Variants in CECR2 observed in about 807,000 individuals in gnomAD.
The protein encoded by CECR2 is CECR2 histone acetyl-lysine reader.
In CECR2, 30 loss-of-function variants were observed where a neutral mutation model predicts 154.5. The observed-to-expected ratio is 0.19, with a 90% CI of 0.15 to 0.26. The LOEUF (loss-of-function observed/expected upper bound fraction) is 0.26. Among genes scored for constraint, CECR2 ranks in the 10% least tolerant of loss-of-function variants. The pLI, the probability that CECR2 is intolerant of heterozygous loss-of-function variation, is 1.00. For missense variants in CECR2, 1,743 were observed against 1,829.3 expected (o/e 0.95, Z 0.86); for synonymous variants, 725 against 683.7 (o/e 1.06, Z -0.94).
At chr22:17,429,549 AACAAAAAC>A (rs2054388039) in intron 1 of CECR2, among the ~76,000 whole-genome samples, 2 of 140,614 alleles carry the variant, frequency 1.4e-5, no homozygotes, top group African/African-American at 6.0e-5. Flanking sequence ...CAAAAACAAA[AACAAAAAC>A]AAAGAAAAGA....
chr22:17,554,226 AAACTTTT>A lies in CECR2; in HGVS notation c.*1387_*1393del, dbSNP rs2056749192. ...TCACCAAAGTTAGGACCCATGTTTT[AAACTTTT>A]GAATATTCCACAAAAGAAAAAACTA... On this transcript the variant is annotated 3_prime_UTR_variant, in exon 19 of 19. Coordinates refer to ENST00000262608, the MANE Select transcript of CECR2 (RefSeq NM_001290047.2). The A allele has an allele frequency of 6.6e-6, 1 of 152,208 alleles. No homozygotes were observed. The highest frequency in any genetic ancestry group is 2.4e-5 in the African/African-American group (1 of 41,464). 9.4% of individuals were successfully genotyped at this position (152,208 alleles called of 1,614,324 possible).
chr22:17,541,025 CCTT>C (rs2056515468), intron 14 of CECR2, among the ~76,000 whole-genome samples: 1 of 152,200 alleles, frequency 6.6e-6, no homozygotes, highest in South Asian at 2.1e-4. Context: ...CTCAAACAGT[CCTT>C]CTGCCTCAGC....
intron 2 of CECR2, among the ~76,000 whole-genome samples, chr22:17,493,627 CCTTAAGAAAGCTT>C (rs2055569796): frequency 1.3e-5 from 2 of 152,124 alleles, no homozygotes; most frequent in Admixed American, 1.3e-4. Flanking sequence ...GAGATAGATG[CCTTAAGAAAGCTT>C]TTAGCAAAAG....
chr22:17,364,778 G>A (rs572935313), upstream of CECR2, among the ~76,000 whole-genome samples: 10 of 152,302 alleles, frequency 6.6e-5, no homozygotes, highest in Admixed American at 3.3e-4. Context: ...AGTGAGCTGA[G>A]ATCACACCAC....
At chr22:17,505,107 C>T (rs1006365315) in intron 7 of CECR2, 91 bp downstream of exon 7, 7 of 1,273,576 alleles carry the variant, frequency 5.5e-6, no homozygotes, top group African/African-American at 1.5e-5. Context: ...CCATACACCC[C>T]ACTGTCCTGG....
intron 2 of CECR2, among the ~76,000 whole-genome samples, chr22:17,479,146 T>C (rs2055262110): frequency 6.6e-6 from 1 of 152,250 alleles, no homozygotes; most frequent in Admixed American, 6.5e-5. Flanking sequence ...TGTACAAAAT[T>C]CACCAGGTTC....
intron 1 of CECR2, among the ~76,000 whole-genome samples, chr22:17,443,727 T>C (rs2054617088): frequency 6.6e-6 from 1 of 152,138 alleles, no homozygotes; most frequent in African/African-American, 2.4e-5. Flanking sequence ...CCACTCCTCG[T>C]AATCTGCTTC....
intron 16 of CECR2, among the ~76,000 whole-genome samples, chr22:17,545,530 T>G (rs775724071): frequency 2.0e-5 from 3 of 151,836 alleles, no homozygotes; most frequent in Non-Finnish European, 2.9e-5. Context: ...GGCAGGAGAA[T>G]GGACACACTT....
chr22:17,425,930 G>T (rs140132354), intron 1 of CECR2, among the ~76,000 whole-genome samples: 6 of 152,172 alleles, frequency 3.9e-5, no homozygotes, highest in Admixed American at 2.6e-4. Context: ...TGGGAAAGGC[G>T]TCTGTGCTCC....
At chr22:17,378,053 G>C (rs569892486) in intron 1 of CECR2, among the ~76,000 whole-genome samples, 2 of 144,676 alleles carry the variant, frequency 1.4e-5, no homozygotes, top group South Asian at 4.6e-4. Flanking sequence ...GCGCTATCTT[G>C]GCTCACTGCA....
At chr22:17,392,280 C>T (rs1049114790) in intron 1 of CECR2, among the ~76,000 whole-genome samples, 1 of 151,926 alleles carries the variant, frequency 6.6e-6, no homozygotes, top group Non-Finnish European at 1.5e-5. Flanking sequence ...TTTTAATTGG[C>T]CAGGCGCAGT....
At chr22:17,470,621 T>C (rs560386393) in intron 1 of CECR2, among the ~76,000 whole-genome samples, 142 of 152,310 alleles carry the variant, frequency 9.3e-4, no homozygotes, top group African/African-American at 3.2e-3. Flanking sequence ...TTTCTTTTCC[T>C]GGACAGGATT....
intron 1 of CECR2, among the ~76,000 whole-genome samples, chr22:17,413,739 C>T (rs867327092): frequency 3.3e-5 from 5 of 151,768 alleles, no homozygotes; most frequent in African/African-American, 7.3e-5. Flanking sequence ...TACAGTGGCG[C>T]GATCTCAGCT....
At chr22:17,391,952 C>T (rs1234316375) in intron 1 of CECR2, among the ~76,000 whole-genome samples, 4 of 152,114 alleles carry the variant, frequency 2.6e-5, no homozygotes, top group African/African-American at 4.8e-5. Flanking sequence ...CAGGCATGCG[C>T]CACCACACCC....
At chr22:17,498,977 T>TTTTA (rs60595589) in intron 3 of CECR2, among the ~76,000 whole-genome samples, 19,925 of 150,996 alleles carry the variant, frequency 0.13, 1,730 homozygotes, top group East Asian at 0.44. Context: ...ACTTGGACAT[T>TTTTA]TTTATTTATT....
rs1019182660 is a variant in CECR2, at chr22:17,543,202, G to A, written c.2860+199G>A. Among the ~76,000 whole-genome samples, 3 of 151,832 alleles carry A rather than the reference G, an allele frequency of 2.0e-5. 1 individual carries two copies. Among genetic ancestry groups the A allele is most frequent in the East Asian group, 3.9e-4 (2 of 5,178 alleles). ...GGCTGGAGTGCAGTGGTGTGATTTC[G>A]GCTCACTGCAAGTTCCACCTCCCGG... is the stretch of plus-strand genomic sequence containing the variant. On this transcript the variant is annotated intron_variant, in intron 16 of 18. Coordinates refer to ENST00000262608, the MANE Select transcript of CECR2 (RefSeq NM_001290047.2).
At position 17,406,218 on chromosome 22, in the gene CECR2, T is replaced by A. The variant is rs554860499; in HGVS notation, c.126+36309T>A. ...GTGTCTTTTGGTAAATGTTTCATTTTCACTTGAAAAGAATGTGTAGGACCG... is the reference window on the plus strand; with the variant it reads ...GTGTCTTTTGGTAAATGTTTCATTTACACTTGAAAAGAATGTGTAGGACCG... On this transcript the variant is annotated intron_variant, in intron 1 of 18. Transcript: ENST00000262608. Among the ~76,000 whole-genome samples the A allele has an allele frequency of 2.0e-5, 3 of 152,354 alleles. No homozygotes were observed. In the East Asian group the frequency reaches 5.8e-4, roughly 29 times the overall value.
intron 1 of CECR2, among the ~76,000 whole-genome samples, chr22:17,416,674 G>A (rs544205434): frequency 6.6e-6 from 1 of 152,210 alleles, no homozygotes; most frequent in Admixed American, 6.5e-5. Flanking sequence ...GCTAATTTTT[G>A]TATTTTTAGT....
chr22:17,442,230 T>C (rs2054595358), intron 1 of CECR2, among the ~76,000 whole-genome samples: 2 of 152,136 alleles, frequency 1.3e-5, no homozygotes, highest in Non-Finnish European at 2.9e-5. Flanking sequence ...CTATTCACTT[T>C]GGAGCTCATG....
Sources: allele counts gnomAD v4.1 joint callset (sites outside exome capture counted in the v4.1 genomes callset), GRCh38; gene constraint gnomAD v4.1.1; transcripts MANE v1.5; gene names NCBI Gene and HGNC (gene_info 2026-07-23, HGNC 2026-07-21).